Variants in SENP8 observed in about 807,000 individuals in gnomAD.
SENP8 encodes SUMO peptidase family member, NEDD8 specific, also known as sentrin-specific protease 8.
Under a neutral mutation model 14.4 loss-of-function variants are expected in SENP8, and 10 were observed. The observed-to-expected ratio is 0.69, with a 90% CI of 0.43 to 1.18. The LOEUF is 1.18. SENP8 is among the 50% of genes most tolerant of loss of function. The pLI, the probability that SENP8 is intolerant of heterozygous loss-of-function variation, is 0.00. For missense variants in SENP8, 202 were observed against 249.4 expected (o/e 0.81, Z 1.28); for synonymous variants, 94 against 95.5 (o/e 0.98, Z 0.09).
chr15:72,134,315 C>T (rs1195935547), intron 1 of SENP8, among the ~76,000 whole-genome samples: 1 of 152,114 alleles, frequency 6.6e-6, no homozygotes. Flanking sequence ...CACGGTGGCT[C>T]ACACCTGTAA....
intron 1 of SENP8, among the ~76,000 whole-genome samples, chr15:72,128,924 T>C (rs546906752): frequency 5.6e-4 from 86 of 152,376 alleles, no homozygotes; most frequent in Middle Eastern, 3.4e-3. Flanking sequence ...TGAATGAGGC[T>C]GTTTCTCTCT....
chr15:72,125,574 T>A (rs181583191), intron 1 of SENP8, among the ~76,000 whole-genome samples: 4 of 152,226 alleles, frequency 2.6e-5, no homozygotes, highest in Admixed American at 6.5e-5. Flanking sequence ...ATGCTACTTA[T>A]TAAAAAATCC....
intron 1 of SENP8, among the ~76,000 whole-genome samples, chr15:72,132,220 T>C (rs562363615): frequency 2.0e-5 from 3 of 152,290 alleles, no homozygotes; most frequent in African/African-American, 7.2e-5. Context: ...GGCTCCCCAG[T>C]TGACTCACCT....
chr15:72,134,791 G>C (rs1204227223), intron 1 of SENP8: 2 of 273,292 alleles, frequency 7.3e-6, no homozygotes, highest in African/African-American at 4.6e-5. Flanking sequence ...TGTTCAAAAA[G>C]GAATGTCCCA....
intron 1 of SENP8, among the ~76,000 whole-genome samples, chr15:72,118,874 G>A (rs535333233): frequency 2.6e-5 from 4 of 152,286 alleles, no homozygotes; most frequent in African/African-American, 9.6e-5. Context: ...TGTGTAGGAG[G>A]ATAACGTGAG....
intron 1 of SENP8, among the ~76,000 whole-genome samples, chr15:72,129,545 T>C (rs2081252350): frequency 6.6e-6 from 1 of 150,658 alleles, no homozygotes; most frequent in Non-Finnish European, 1.5e-5. Flanking sequence ...TATTTTTTTT[T>C]TTTTTTTTTT....
At chr15:72,139,358 G>C (rs2081357984) in intron 1 of SENP8, 2 of 432,968 alleles carry the variant, frequency 4.6e-6, no homozygotes, top group Non-Finnish European at 8.2e-6. Context: ...ATCATGTTGA[G>C]TAGGCTGAAG....
rs1253376795 is a variant in SENP8, at chr15:72,139,966, T to A, written c.343T>A (p.Phe115Ile). 1.9e-6 allele frequency: 3 copies of A among 1,614,116 alleles called. No individual in the cohort carries two copies. Among genetic ancestry groups the A allele is most frequent in the Non-Finnish European group, 1.7e-6 (2 of 1,180,048 alleles). Residue 115 changes from phenylalanine (F) to isoleucine (I), a missense_variant, in exon 2 of 2, where the codon TTT becomes ATT. Phe to Ile is a conservative substitution (Grantham distance 21). Coordinates refer to ENST00000340912, the MANE Select transcript of SENP8 (RefSeq NM_145204.4). ...LLVYLQDKNS[F>I]FHYDSHSRSN... ...GGTCTACCTCCAAGATAAAAATAGC[T>A]TTTTTCATTATGATTCCCATAGCAG...
At chr15:72,119,630 C>G (rs1342460596) in intron 1 of SENP8, among the ~76,000 whole-genome samples, 1 of 152,166 alleles carries the variant, frequency 6.6e-6, no homozygotes, top group African/African-American at 2.4e-5. Flanking sequence ...CGCCTGTAGT[C>G]CCAGCTACTC....
chr15:72,119,934 TTTGCTCTCCCG>T (rs2081144545), intron 1 of SENP8, among the ~76,000 whole-genome samples: 1 of 152,186 alleles, frequency 6.6e-6, no homozygotes, highest in African/African-American at 2.4e-5. Context: ...TACTTGTCTC[TTTGCTCTCCCG>T]TTCCCTTCCG....
At chr15:72,119,157 T>A (rs2081116775) in intron 1 of SENP8, among the ~76,000 whole-genome samples, 1 of 152,160 alleles carries the variant, frequency 6.6e-6, no homozygotes, top group South Asian at 2.1e-4. Context: ...TCTGTTTAGG[T>A]AGAAGACTCA....
chr15:72,141,201 T>C lies in SENP8; in HGVS notation c.*939T>C, dbSNP rs1358534725. On this transcript the variant is annotated 3_prime_UTR_variant, in exon 2 of 2. Coordinates refer to ENST00000340912, the MANE Select transcript of SENP8 (RefSeq NM_145204.4). ...ATTCTGGCAGAATTGTTTTTAGTTA[T>C]GTCATGGTAATTTCAGGATGATTTT... 1 of 152,258 alleles carries C rather than the reference T, an allele frequency of 6.6e-6. No individual in the cohort carries two copies. The highest frequency in any genetic ancestry group is 2.4e-5 in the African/African-American group (1 of 41,462). 9.4% of individuals were successfully genotyped at this position (152,258 alleles called of 1,614,324 possible). A position where few individuals can be genotyped will look rare whatever the true frequency, so the allele number is the denominator to read the frequency against.
intron 1 of SENP8, chr15:72,134,860 A>G (rs532624544): frequency 3.5e-6 from 1 of 285,224 alleles, no homozygotes; most frequent in Non-Finnish European, 6.9e-6. Flanking sequence ...TGATGTTGGC[A>G]TTGTTGTAAG....
intron 1 of SENP8, among the ~76,000 whole-genome samples, chr15:72,136,525 A>G (rs2081328784): frequency 6.6e-6 from 1 of 151,988 alleles, no homozygotes; most frequent in African/African-American, 2.4e-5. Flanking sequence ...TTTCTCAAAT[A>G]GTCAGATTAT....
At chr15:72,132,674 T>C (rs934111727) in intron 1 of SENP8, among the ~76,000 whole-genome samples, 1 of 149,340 alleles carries the variant, frequency 6.7e-6, no homozygotes, top group African/African-American at 2.5e-5. Context: ...TTTTTTTTTT[T>C]AAACAGAGTC....
intron 1 of SENP8, among the ~76,000 whole-genome samples, chr15:72,123,360 C>T (rs979399306): frequency 2.3e-4 from 35 of 152,078 alleles, no homozygotes; most frequent in African/African-American, 6.8e-4. Flanking sequence ...CTTACACAGA[C>T]GTCTTATTAA....
chr15:72,123,821 T>C (rs1318858125), intron 1 of SENP8, among the ~76,000 whole-genome samples: 1 of 152,220 alleles, frequency 6.6e-6, no homozygotes, highest in Non-Finnish European at 1.5e-5. Flanking sequence ...ATTACAGGCA[T>C]GAGCCACCGC....
Position 72,140,377 on chromosome 15 carries a change from C to A in SENP8, c.*115C>A. The A allele has an allele frequency of 1.4e-6, 1 of 717,282 alleles. No individual in the cohort carries two copies. The allele number at this position is 717,282 out of a possible 1,614,324, so 44.4% of individuals were successfully genotyped here. ...ATGCCTAGTAGAGGAAAGCTTAATACTCTTTTTCCTGAAAGAATATCATCC... is the reference window on the plus strand; with the variant it reads ...ATGCCTAGTAGAGGAAAGCTTAATAATCTTTTTCCTGAAAGAATATCATCC... On this transcript the variant is annotated 3_prime_UTR_variant, in exon 2 of 2. Coordinates refer to ENST00000340912, the MANE Select transcript of SENP8 (RefSeq NM_145204.4).
At chr15:72,117,944 G>A, upstream of SENP8, 2 of 401,304 alleles carry the variant, frequency 5.0e-6, no homozygotes, top group Non-Finnish European at 8.8e-6. Context: ...TTGGACCGCC[G>A]CCTCAACCGC....
Sources: allele counts gnomAD v4.1 joint callset (sites outside exome capture counted in the v4.1 genomes callset), GRCh38; gene constraint gnomAD v4.1.1; transcripts MANE v1.5; gene names NCBI Gene and HGNC (gene_info 2026-07-23, HGNC 2026-07-21).